The following SMARCAD1 variants were observed in gnomAD, a reference collection of about 807,000 sequenced individuals.
SMARCAD1 encodes the protein SNF2 related chromatin remodeling ATPase with DExD box 1.
SMARCAD1 carries 25 observed loss-of-function variants against 127.1 expected under a neutral mutation model. The observed-to-expected ratio is 0.20, with a 90% CI of 0.14 to 0.27. The LOEUF (loss-of-function observed/expected upper bound fraction) is 0.27, where lower values mean the gene tolerates loss of function less well. SMARCAD1 is among the 10% of genes least tolerant of loss of function. The pLI is 1.00. For missense variants in SMARCAD1, 807 were observed against 1,206.0 expected (o/e 0.67, Z 4.90); for synonymous variants, 400 against 396.9 (o/e 1.01, Z -0.09).
At chr4:94,215,237 CTTAG>C (rs1461158743) in intron 2 of SMARCAD1, among the ~76,000 whole-genome samples, 2 of 152,094 alleles carry the variant, frequency 1.3e-5, no homozygotes, top group South Asian at 2.1e-4. Context: ...AAAAGCAATA[CTTAG>C]TTAAAGGGTT....
chr4:94,240,995 A>G lies in SMARCAD1; in HGVS notation c.694A>G (p.Arg232Gly). The change falls in exon 6 of 24, where the codon AGA (arginine) becomes GGA (glycine). Residue 232 changes from arginine to glycine, a missense_variant. This residue lies in a region of SMARCAD1 where 257 missense variants were observed against 303.4 expected (regional missense o/e 0.85). Coordinates refer to ENST00000354268, the MANE Select transcript of SMARCAD1 (RefSeq NM_020159.5). ...TGATGATCAATCTATAAAAAAGACA[A>G]GACTGGATCATGTAAGTTTACATTT... The part of the protein sequence containing the change: ...FNDDQSIKKT[R>G]LDHGEESNES... The G allele has an allele frequency of 6.2e-7, 1 of 1,606,594 alleles. No individual in the cohort carries two copies. The highest frequency in any genetic ancestry group is 8.5e-7 in the Non-Finnish European group (1 of 1,173,810).
At chr4:94,229,390 A>C (rs978742207) in intron 3 of SMARCAD1, among the ~76,000 whole-genome samples, 3 of 152,174 alleles carry the variant, frequency 2.0e-5, no homozygotes, top group Non-Finnish European at 4.4e-5. Flanking sequence ...AATAAATATC[A>C]AAATGAAATT....
chr4:94,288,862 A>T (rs1291209476), intron 23 of SMARCAD1, among the ~76,000 whole-genome samples: 1 of 152,220 alleles, frequency 6.6e-6, no homozygotes, highest in African/African-American at 2.4e-5. Context: ...ATTATCTGCC[A>T]CTGTGACACA....
chr4:94,224,867 A>G (rs1744757467), intron 2 of SMARCAD1, among the ~76,000 whole-genome samples: 1 of 152,160 alleles, frequency 6.6e-6, no homozygotes, highest in Admixed American at 6.5e-5. Context: ...TGTTTATTAT[A>G]TTTGAAGACT....
chr4:94,236,120 A>G (rs2125866950), intron 4 of SMARCAD1, among the ~76,000 whole-genome samples: 1 of 152,306 alleles, frequency 6.6e-6, no homozygotes, highest in East Asian at 1.9e-4. Flanking sequence ...GGCTATTTTG[A>G]AAATGAAGAA....
At chr4:94,228,540 A>G (rs1350601625) in intron 3 of SMARCAD1, among the ~76,000 whole-genome samples, 1 of 152,112 alleles carries the variant, frequency 6.6e-6, no homozygotes, top group Non-Finnish European at 1.5e-5. Context: ...TGTCCTTTAG[A>G]GCATTGCTAC....
At position 94,212,933 on chromosome 4, in the gene SMARCAD1, T is replaced by G. The variant is rs1742515867; in HGVS notation, c.190+4349T>G. On this transcript the variant is annotated intron_variant, in intron 2 of 23. Coordinates refer to ENST00000354268, the MANE Select transcript of SMARCAD1 (RefSeq NM_020159.5). ...TGGATTTGAGGGCATACACTTAACC[T>G]CTGCCCCCTGATTTATTTTACTCTT... The G allele has an allele frequency of 7.2e-5, 38 of 527,204 alleles. 1 individual carries two copies. The highest frequency in any genetic ancestry group is 5.9e-4 in the South Asian group (38 of 64,950). The allele number at this position is 527,204 out of a possible 1,614,324, so 32.7% of individuals were successfully genotyped here. A position where few individuals can be genotyped will look rare whatever the true frequency, so the allele number is the denominator to read the frequency against.
At chr4:94,209,072 A>C (rs1201768438) in intron 2 of SMARCAD1, among the ~76,000 whole-genome samples, 1 of 152,250 alleles carries the variant, frequency 6.6e-6, no homozygotes, top group Non-Finnish European at 1.5e-5. Context: ...GGATGTCCTC[A>C]GAATGCAAAT....
At chr4:94,233,268 T>G (rs531098387) in intron 3 of SMARCAD1, among the ~76,000 whole-genome samples, 2 of 152,350 alleles carry the variant, frequency 1.3e-5, no homozygotes, top group South Asian at 4.1e-4. Context: ...TTCTGATCTC[T>G]AGAGTGCCTA....
chr4:94,261,141 GAA>G (rs956831027), intron 9 of SMARCAD1, among the ~76,000 whole-genome samples: 1 of 140,340 alleles, frequency 7.1e-6, no homozygotes. Flanking sequence ...TTTTTTAAGT[GAA>G]AAAAAAAAAG....
rs535710589 is a variant in SMARCAD1 at position 94,275,796 on chromosome 4, C to CTTTTTTT, written c.1809-531_1809-525dup. Among the ~76,000 whole-genome samples the CTTTTTTT allele has an allele frequency of 4.5e-3, 384 of 85,310 alleles. 6 individuals are homozygous for CTTTTTTT. Among genetic ancestry groups the CTTTTTTT allele is most frequent in the Middle Eastern group, 7.5e-3 (1 of 134 alleles). 56.0% of individuals were successfully genotyped at this position (85,310 alleles called of 152,430 possible). ...TGTCCGATTGTAACATTAACATTTT[C>CTTTTTTT]TTTTTTTTTTTTTTTTTTGAGACGG... On this transcript the variant is annotated intron_variant, in intron 14 of 23. Transcript: ENST00000354268.
intron 10 of SMARCAD1, among the ~76,000 whole-genome samples, chr4:94,267,604 T>G (rs1751928858): frequency 6.6e-6 from 1 of 152,154 alleles, no homozygotes; most frequent in African/African-American, 2.4e-5. Context: ...GAAATCATAG[T>G]AACTCTGGAG....
chr4:94,257,693 A>T (rs1750318722), intron 9 of SMARCAD1, among the ~76,000 whole-genome samples: 1 of 152,318 alleles, frequency 6.6e-6, no homozygotes. Flanking sequence ...CCACAAAAAA[A>T]AATCTATATC....
chr4:94,281,634 T>C (rs1272809917), intron 21 of SMARCAD1, 44 bp downstream of exon 21: 19 of 1,216,204 alleles, frequency 1.6e-5, no homozygotes, highest in Non-Finnish European at 2.2e-5. Flanking sequence ...ACTCATTTAT[T>C]ATTATTGTTA....
At chr4:94,285,139 A>G (rs1754748964) in intron 23 of SMARCAD1, 70 bp downstream of exon 23, 2 of 1,020,440 alleles carry the variant, frequency 2.0e-6, no homozygotes, top group South Asian at 2.6e-5. Context: ...TCAGTGCAAG[A>G]GGATGACAAA....
At chr4:94,278,368 T>C (rs751672640) in intron 16 of SMARCAD1, 54 bp from the exon 17 acceptor site, 19 of 1,418,284 alleles carry the variant, frequency 1.3e-5, no homozygotes, top group African/African-American at 2.8e-5. Flanking sequence ...AATACTGTTA[T>C]TGCAATAATT....
chr4:94,221,575 A>G (rs1459239234), intron 2 of SMARCAD1, among the ~76,000 whole-genome samples: 3 of 152,256 alleles, frequency 2.0e-5, no homozygotes. Flanking sequence ...TAAAGGTAGA[A>G]ACAGATATGA....
rs115741266 is a variant in SMARCAD1, at chr4:94,282,896, A to G, written c.2727-225A>G. Among the ~76,000 whole-genome samples the G allele has an allele frequency of 7.5e-4, 114 of 152,276 alleles. 1 individual carries two copies. Among genetic ancestry groups the G allele is most frequent in the Middle Eastern group, 6.8e-3 (2 of 294 alleles). ...TCATTTAGGAATTAATTGAATCTGA[A>G]TAGTTGAATTGAAGTAAGAGTTGGT... On this transcript the variant is annotated intron_variant, in intron 21 of 23. Coordinates refer to ENST00000354268, the MANE Select transcript of SMARCAD1 (RefSeq NM_020159.5).
At chr4:94,244,768 A>C (rs1052567000) in intron 6 of SMARCAD1, among the ~76,000 whole-genome samples, 2 of 152,122 alleles carry the variant, frequency 1.3e-5, no homozygotes, top group African/African-American at 4.8e-5. Flanking sequence ...AAAAAAAAAA[A>C]AACTTAACTT....
Sources: gnomAD v4.1 joint callset for allele counts (sites outside exome capture counted in the v4.1 genomes callset) on GRCh38, gnomAD v4.1.1 for gene constraint, gnomAD v4.1.1 regional missense constraint, MANE v1.5 for transcripts, NCBI Gene and HGNC (gene_info 2026-07-23, HGNC 2026-07-21) for gene names.